The following ANKS1B variants were observed in gnomAD, a reference collection of about 807,000 sequenced individuals.
ANKS1B encodes the protein ankyrin repeat and sterile alpha motif domain-containing protein 1B.
In ANKS1B, 36 loss-of-function variants were observed where a neutral mutation model predicts 148.3. The observed-to-expected ratio is 0.24, with a 90% CI of 0.19 to 0.32. ANKS1B has a LOEUF of 0.32. Ranked by LOEUF, ANKS1B falls within the 10% of genes least tolerant of loss-of-function variation. ANKS1B has a pLI of 1.00. For synonymous variants in ANKS1B, 542 were observed against 560.8 expected (o/e 0.97, Z 0.47); for missense variants, 1,157 against 1,542.6 (o/e 0.75, Z 4.19).
At chr12:99,835,124 G>A (rs977600217) in intron 1 of ANKS1B, among the ~76,000 whole-genome samples, 1 of 151,738 alleles carries the variant, frequency 6.6e-6, no homozygotes, top group Non-Finnish European at 1.5e-5. Context: ...AGAAATACAA[G>A]GTGAGGACTG....
chr12:99,246,457 A>G lies in ANKS1B; in HGVS notation c.2164T>C (p.Leu722=). ...TGCATGTCGATCAAGGCTTTAGGCA[A>G]TGACCTTATTCTCCCCAGAGTACAG... ...RACTLGRIRS[L]PKALIDMHLS... The change falls in exon 13 of 27, where the codon TTG becomes CTG. Residue 722 remains leucine, a synonymous_variant. Transcript: ENST00000683438. The G allele has an allele frequency of 6.2e-7, 1 of 1,613,858 alleles. No individual in the cohort carries two copies. Among genetic ancestry groups the G allele is most frequent in the East Asian group, 2.2e-5 (1 of 44,870 alleles).
chr12:99,500,622 T>C (rs1354190859), intron 10 of ANKS1B, among the ~76,000 whole-genome samples: 2 of 152,168 alleles, frequency 1.3e-5, no homozygotes, highest in Non-Finnish European at 2.9e-5. Context: ...AGATAACTGA[T>C]ACAGGCATCA....
chr12:99,634,822 G>C (rs2098216362), intron 9 of ANKS1B, among the ~76,000 whole-genome samples: 1 of 152,142 alleles, frequency 6.6e-6, no homozygotes, highest in Non-Finnish European at 1.5e-5. Context: ...ACAATCAACA[G>C]AGTAAAAAGG....
At chr12:98,895,093 C>CG (rs893413124) in intron 17 of ANKS1B, 25 of 977,026 alleles carry the variant, frequency 2.6e-5, no homozygotes, top group Admixed American at 6.2e-5. Context: ...GGCGGCGAGG[C>CG]GGGGGGGAGG....
intron 12 of ANKS1B, among the ~76,000 whole-genome samples, chr12:99,290,207 T>C (rs975304197): frequency 4.0e-5 from 6 of 150,398 alleles, no homozygotes; most frequent in African/African-American, 7.4e-5. Context: ...CCTACCAAGA[T>C]TGAAGGCTGA....
intron 1 of ANKS1B, among the ~76,000 whole-genome samples, chr12:99,862,824 G>A (rs1008203040): frequency 9.9e-5 from 15 of 152,156 alleles, no homozygotes; most frequent in Non-Finnish European, 1.9e-4. Flanking sequence ...AATCTAGGGA[G>A]GGGTGAAAAG....
intron 14 of ANKS1B, among the ~76,000 whole-genome samples, chr12:99,241,698 C>T (rs61940212): frequency 2.0e-5 from 3 of 152,174 alleles, no homozygotes; most frequent in East Asian, 1.9e-4. Context: ...AGCTTATCCA[C>T]CACGATCAGA....
At chr12:98,900,726 A>G (rs1479004652) in intron 17 of ANKS1B, among the ~76,000 whole-genome samples, 2 of 152,204 alleles carry the variant, frequency 1.3e-5, no homozygotes, top group African/African-American at 4.8e-5. Flanking sequence ...TTTATGCCAT[A>G]ATAGTAATTT....
At chr12:99,983,723 C>T (rs144372231) in intron 1 of ANKS1B, among the ~76,000 whole-genome samples, 2 of 152,164 alleles carry the variant, frequency 1.3e-5, no homozygotes, top group Non-Finnish European at 2.9e-5. Context: ...GCAAGAGATT[C>T]TCTGCCAATT....
downstream of ANKS1B, among the ~76,000 whole-genome samples, chr12:98,741,371 T>C (rs2097797817): frequency 6.6e-6 from 1 of 152,214 alleles, no homozygotes; most frequent in Admixed American, 6.5e-5. Context: ...AAACAAGTGA[T>C]GCATAGACCA....
intron 15 of ANKS1B, among the ~76,000 whole-genome samples, chr12:99,112,869 T>G (rs2060578073): frequency 6.6e-6 from 1 of 152,242 alleles, no homozygotes; most frequent in African/African-American, 2.4e-5. Flanking sequence ...CATTAATTCA[T>G]CAAACATTTA....
intron 17 of ANKS1B, among the ~76,000 whole-genome samples, chr12:98,871,247 T>C (rs1279522821): frequency 6.6e-6 from 1 of 152,230 alleles, no homozygotes; most frequent in East Asian, 1.9e-4. Context: ...TCTGCTCACA[T>C]AAATACTATC....
At chr12:99,040,402 G>C (rs548698128) in intron 17 of ANKS1B, among the ~76,000 whole-genome samples, 2 of 152,054 alleles carry the variant, frequency 1.3e-5, no homozygotes, top group African/African-American at 4.8e-5. Context: ...AGAAGAAATG[G>C]AACTTCCTAA....
chr12:99,669,374 C>T (rs995183577), intron 8 of ANKS1B, among the ~76,000 whole-genome samples: 8 of 152,036 alleles, frequency 5.3e-5, no homozygotes, highest in Admixed American at 3.3e-4. Context: ...TACTGGACAT[C>T]GTTGTGGCAT....
rs376189345 is a variant in ANKS1B, at chr12:99,020,303, T to A, written c.2778+32854A>T. Among the ~76,000 whole-genome samples the A allele has an allele frequency of 3.1e-4, 47 of 152,292 alleles. No homozygotes were observed. In the South Asian group the frequency reaches 6.4e-3, roughly 21 times the overall value. ...CTACTTTCTGTCTCTGTAGATTGAC[T>A]ACTCTAGGTACCTTGTACAAATGGA... On this transcript the variant is annotated intron_variant, in intron 17 of 26. Coordinates refer to ENST00000683438, the MANE Select transcript of ANKS1B (RefSeq NM_001352186.2).
intron 9 of ANKS1B, among the ~76,000 whole-genome samples, chr12:99,611,778 G>A (rs897026515): frequency 6.6e-6 from 1 of 152,080 alleles, no homozygotes; most frequent in Non-Finnish European, 1.5e-5. Context: ...AATTCAGAAG[G>A]AAGATTTTCA....
rs545971363 is a variant in ANKS1B, at chr12:99,034,472, T to C, written c.2778+18685A>G. Among the ~76,000 whole-genome samples, 3 of 152,148 alleles carry C rather than the reference T, an allele frequency of 2.0e-5. No individual in the cohort carries two copies. In the South Asian group the frequency reaches 6.2e-4, roughly 32 times the overall value. ...CTGGGACCATAGGCGTGTGCAACCA[T>C]GCTCAGCTAGTTTTTGCATTTTTTG... On this transcript the variant is annotated intron_variant, in intron 17 of 26. Transcript: ENST00000683438.
Position 98,913,773 on chromosome 12 carries a change from G to A in ANKS1B, c.2779-81637C>T, listed in dbSNP as rs12099488. Reference sequence around the variant, plus strand: ...CTCCCGAGTAGCTACGATGACAGACGCGTGCCACTACCACACCCATCTAAT... The same window carrying A: ...CTCCCGAGTAGCTACGATGACAGACACGTGCCACTACCACACCCATCTAAT... On this transcript the variant is annotated intron_variant, in intron 17 of 26. Coordinates refer to ENST00000683438, the MANE Select transcript of ANKS1B (RefSeq NM_001352186.2). Among the ~76,000 whole-genome samples the A allele has an allele frequency of 8.2e-3, 1,245 of 152,164 alleles. 14 individuals carry two copies. The highest frequency in any genetic ancestry group is 0.028 in the African/African-American group (1,167 of 41,520).
chr12:98,953,797 T>C (rs191599567), intron 17 of ANKS1B, among the ~76,000 whole-genome samples: 1 of 151,768 alleles, frequency 6.6e-6, no homozygotes, highest in South Asian at 2.1e-4. Context: ...CCTCTGGTAA[T>C]TTTTTTTCCA....
Sources: allele counts gnomAD v4.1 joint callset (sites outside exome capture counted in the v4.1 genomes callset), GRCh38; gene constraint gnomAD v4.1.1; transcripts MANE v1.5; gene names NCBI Gene and HGNC (gene_info 2026-07-23, HGNC 2026-07-21).